RCN2: variants seen among roughly 807,000 people sequenced by gnomAD.
RCN2 encodes reticulocalbin-2.
Under a neutral mutation model 37.5 loss-of-function variants are expected in RCN2, and 23 were observed. The ratio of observed to expected loss-of-function variants is 0.61; its 90% CI spans 0.44 to 0.87. The LOEUF (loss-of-function observed/expected upper bound fraction) is 0.87. Ranked by LOEUF, RCN2 falls within the 40% of genes least tolerant of loss-of-function variation. The probability of loss-of-function intolerance (pLI) is 0.00; values close to 1 mark genes in which losing one functional copy is unlikely to be tolerated. For synonymous variants in RCN2, 140 were observed against 144.6 expected (o/e 0.97, Z 0.23); for missense variants, 381 against 390.4 (o/e 0.98, Z 0.20).
chr15:76,947,308 TC>T, intron 4 of RCN2, 112 bp from the exon 5 acceptor site: 1 of 651,190 alleles, frequency 1.5e-6, no homozygotes, highest in Non-Finnish European at 2.6e-6. Context: ...CCACTAGAGC[TC>T]CAAAAATTAT....
intron 6 of RCN2, 163 bp downstream of exon 6, chr15:76,948,715 A>G: frequency 1.6e-6 from 1 of 615,206 alleles, no homozygotes; most frequent in East Asian, 2.9e-5. Context: ...TTAGATTGTC[A>G]GGGAGACGAG....
chr15:76,948,987 T>C, intron 6 of RCN2, 83 bp from the exon 7 acceptor site: 1 of 1,284,838 alleles, frequency 7.8e-7, no homozygotes, highest in Non-Finnish European at 1.1e-6. Flanking sequence ...CTGGATGATT[T>C]TGACAAGTCA....
At position 76,949,201 on chromosome 15, in the gene RCN2, T is replaced by C. The variant is rs15939; in HGVS notation, c.933T>C (p.Tyr311=). The change falls in exon 7 of 7, where the codon TAT becomes TAC. Residue 311 remains tyrosine (Y), a synonymous_variant. Coordinates refer to ENST00000394885, the MANE Select transcript of RCN2 (RefSeq NM_002902.3). ...TDYGRQLHDD[Y]FYHDEL ...ATGGCAGACAGCTCCATGATGACTA[T>C]TTCTATCATGATGAGCTTTAATCTC... 0.1 allele frequency: 167,780 copies of C among 1,608,824 alleles called. 9,762 individuals are homozygous for C. Among genetic ancestry groups the C allele is most frequent in the Non-Finnish European group, 0.11 (133,995 of 1,177,008 alleles).
intron 3 of RCN2, chr15:76,941,587 AG>A: frequency 9.7e-7 from 1 of 1,032,960 alleles, no homozygotes; most frequent in Non-Finnish European, 1.4e-6. Context: ...AGAAAAAAAA[AG>A]AGTGTTGAAG....
intron 3 of RCN2, among the ~76,000 whole-genome samples, chr15:76,936,442 G>A (rs968954990): frequency 1.3e-5 from 2 of 152,072 alleles, no homozygotes; most frequent in African/African-American, 4.8e-5. Flanking sequence ...AGATCAGCAG[G>A]CATTAGGTTC....
At chr15:76,932,084 C>T (rs1210784911) in intron 1 of RCN2, 99 bp downstream of exon 1, 2 of 1,158,102 alleles carry the variant, frequency 1.7e-6, no homozygotes, top group Non-Finnish European at 1.1e-6. Flanking sequence ...CGAGGCCTGG[C>T]AGGGGCGGCC....
chr15:76,947,192 C>G (rs1008608306), intron 4 of RCN2, among the ~76,000 whole-genome samples: 9 of 152,156 alleles, frequency 5.9e-5, no homozygotes, highest in African/African-American at 2.2e-4. Flanking sequence ...CATAGTACTT[C>G]AGGTTTTATT....
chr15:76,943,955 A>T (rs1293722919), intron 4 of RCN2, 84 bp downstream of exon 4: 12 of 488,932 alleles, frequency 2.5e-5, no homozygotes, highest in East Asian at 4.4e-5. Flanking sequence ...GGTACATAGT[A>T]GGTATATATG....
chr15:76,932,400 C>T lies in RCN2; in HGVS notation c.184C>T (p.Gln62Ter). The T allele has an allele frequency of 6.2e-7, 1 of 1,613,830 alleles. No homozygotes were observed. Among genetic ancestry groups the T allele is most frequent in the Non-Finnish European group, 8.5e-7 (1 of 1,179,830 alleles). The part of the protein sequence containing the change: ...DEYVKLGHEE[Q>*]QKRLQAIIKK... ...ATATGTTAAACTCGGCCACGAAGAG[C>T]AGCAAAAAAGACTGCAGGCGATCAT... Residue 62 changes from glutamine to a stop codon, truncating the protein, a stop_gained, in exon 2 of 7, where the codon CAG becomes TAG. Coordinates refer to ENST00000394885, the MANE Select transcript of RCN2 (RefSeq NM_002902.3). LOFTEE classifies it high-confidence loss of function.
At chr15:76,941,532 C>T (rs2075276438) in intron 3 of RCN2, 5 of 520,998 alleles carry the variant, frequency 9.6e-6, no homozygotes, top group East Asian at 3.2e-5. Flanking sequence ...ATTACTGTAC[C>T]TAACACTTTT....
chr15:76,945,795 G>C (rs929024365), intron 4 of RCN2, among the ~76,000 whole-genome samples: 1 of 152,194 alleles, frequency 6.6e-6, no homozygotes, highest in African/African-American at 2.4e-5. Context: ...TAGCTCAGTG[G>C]TAAGACACTG....
chr15:76,948,705 T>TTA, intron 6 of RCN2, 153 bp downstream of exon 6: 1 of 684,426 alleles, frequency 1.5e-6, no homozygotes, highest in East Asian at 2.9e-5. Flanking sequence ...TACGAACTGT[T>TTA]TAGATTGTCA....
intron 4 of RCN2, among the ~76,000 whole-genome samples, chr15:76,944,143 G>A (rs942884952): frequency 2.0e-5 from 3 of 151,762 alleles, no homozygotes; most frequent in African/African-American, 7.3e-5. Flanking sequence ...ACAGGCGCCC[G>A]CCACTACACC....
chr15:76,951,899 A>G lies in RCN2; in HGVS notation c.*2677A>G, dbSNP rs781110449. The G allele has an allele frequency of 6.6e-6, 1 of 152,142 alleles. No individual in the cohort carries two copies. Among genetic ancestry groups the G allele is most frequent in the African/African-American group, 2.4e-5 (1 of 41,434 alleles). 9.4% of individuals were successfully genotyped at this position (152,142 alleles called of 1,614,324 possible). On this transcript the variant is annotated 3_prime_UTR_variant, in exon 7 of 7. Coordinates refer to ENST00000394885, the MANE Select transcript of RCN2 (RefSeq NM_002902.3). ...CTCATATGTAGTTCTGATTGGGCCA[A>G]TTTGCAGGACAGAAAATGATGTCTA...
At chr15:76,945,298 T>C (rs1285380519) in intron 4 of RCN2, among the ~76,000 whole-genome samples, 1 of 152,236 alleles carries the variant, frequency 6.6e-6, no homozygotes, top group Non-Finnish European at 1.5e-5. Flanking sequence ...TTTTCAATGT[T>C]AGTAATATTA....
chr15:76,933,701 A>G (rs1349600401), intron 2 of RCN2, among the ~76,000 whole-genome samples: 2 of 152,222 alleles, frequency 1.3e-5, no homozygotes, highest in Non-Finnish European at 2.9e-5. Context: ...GTGAACCCAC[A>G]TTTCTGATCC....
intron 3 of RCN2, among the ~76,000 whole-genome samples, chr15:76,936,391 G>T (rs930711190): frequency 6.6e-6 from 1 of 152,128 alleles, no homozygotes; most frequent in Non-Finnish European, 1.5e-5. Context: ...GTGTGTGGCG[G>T]GGGGGTGGGG....
Position 76,953,575 on chromosome 15 carries a change from A to C in RCN2, c.*4353A>C, listed in dbSNP as rs866676050. 5.7e-5 allele frequency: 1 copy of C among 17,638 alleles called. No homozygotes were observed. The highest frequency in any genetic ancestry group is 1.1e-4 in the Non-Finnish European group (1 of 8,998). The allele number at this position is 17,638 out of a possible 1,614,324, so 1.1% of individuals were successfully genotyped here. A position where few individuals can be genotyped will look rare whatever the true frequency, so the allele number is the denominator to read the frequency against. ...TAATTCTATATATATATATATATAT[A>C]TATATATATATATATATATTTTTTT... On this transcript the variant is annotated 3_prime_UTR_variant, in exon 7 of 7. Coordinates refer to ENST00000394885, the MANE Select transcript of RCN2 (RefSeq NM_002902.3).
At chr15:76,936,968 C>G (rs1014878483) in intron 3 of RCN2, among the ~76,000 whole-genome samples, 1 of 152,172 alleles carries the variant, frequency 6.6e-6, no homozygotes, top group Non-Finnish European at 1.5e-5. Context: ...TCCTGGCAAC[C>G]ACTGTTCTAC....
Sources: gnomAD v4.1 joint callset for allele counts (sites outside exome capture counted in the v4.1 genomes callset) on GRCh38, gnomAD v4.1.1 for gene constraint, MANE v1.5 for transcripts, NCBI Gene and HGNC (gene_info 2026-07-23, HGNC 2026-07-21) for gene names.